TMEM131L: variants seen among roughly 807,000 people sequenced by gnomAD.
The protein encoded by TMEM131L is transmembrane protein 131-like.
In TMEM131L, 54 loss-of-function variants were observed where a neutral mutation model predicts 192.2. That is an observed-to-expected ratio of 0.28 (90% CI 0.23 to 0.35). TMEM131L has a LOEUF of 0.35. Ranked by LOEUF, TMEM131L falls within the 10% of genes least tolerant of loss-of-function variation. The probability of loss-of-function intolerance (pLI) is 1.00; values close to 1 mark genes in which losing one functional copy is unlikely to be tolerated. For synonymous variants in TMEM131L, 701 were observed against 704.9 expected (o/e 0.99, Z 0.09); for missense variants, 1,888 against 1,972.9 (o/e 0.96, Z 0.82).
rs191631819 is a variant in TMEM131L at position 153,548,555 on chromosome 4, A to G, written c.240-1518A>G. Among the ~76,000 whole-genome samples the G allele has an allele frequency of 5.3e-3, 812 of 152,296 alleles. 7 individuals carry two copies. Among genetic ancestry groups the G allele is most frequent in the African/African-American group, 0.018 (764 of 41,562 alleles). On this transcript the variant is annotated intron_variant, in intron 3 of 34. Transcript: ENST00000409959. ...CCTGACCTTGTGATCTGTCCGCCTC[A>G]GCCTCCCAAAGTGCTGGGATTACAG...
Position 153,636,536 on chromosome 4 carries a change from TC to T in TMEM131L, c.4796del (p.Pro1599HisfsTer23). ...WTTTANRNAN[F>X]PLSRDSSYCG... ...ACCACAGCGAATAGGAATGCAAATT[TC>T]CCACTGTCTAGAGACTCGAGTTACT... On this transcript the variant is annotated frameshift_variant, in exon 35 of 35. Transcript: ENST00000409959. LOFTEE classifies it high-confidence loss of function. 6.2e-7 allele frequency: 1 copy of T among 1,614,188 alleles called. No individual in the cohort carries two copies. The highest frequency in any genetic ancestry group is 2.2e-5 in the East Asian group (1 of 44,888).
Position 153,588,931 on chromosome 4 carries a change from A to G in TMEM131L, c.1594A>G (p.Thr532Ala), listed in dbSNP as rs757255506. 6.2e-7 allele frequency: 1 copy of G among 1,607,122 alleles called. No homozygotes were observed. The highest frequency in any genetic ancestry group is 8.5e-7 in the Non-Finnish European group (1 of 1,173,636). ...WNGSLSLDQS[T>A]WNVDSELANK... is the part of the protein sequence containing the mutation. ...TGGGAGCCTTTCTCTGGATCAATCT[A>G]CCTGGAATGTGGATTCTGAACTTGC... Residue 532 changes from threonine to alanine, a missense_variant, in exon 16 of 35, where the codon ACC becomes GCC. Coordinates refer to ENST00000409959, the MANE Select transcript of TMEM131L (RefSeq NM_001131007.2).
chr4:153,583,448 T>C, intron 10 of TMEM131L, 116 bp from the exon 11 acceptor site: 1 of 811,826 alleles, frequency 1.2e-6, no homozygotes, highest in Non-Finnish European at 2.1e-6. Context: ...ATGGCACAGA[T>C]GCTGAGCAGT....
intron 21 of TMEM131L, among the ~76,000 whole-genome samples, chr4:153,601,075 A>G (rs1427392149): frequency 6.7e-6 from 1 of 149,326 alleles, no homozygotes; most frequent in Non-Finnish European, 1.5e-5. Context: ...GTATCACTGC[A>G]CTCCAGCCTG....
At position 153,557,061 on chromosome 4, in the gene TMEM131L, G is replaced by T. The variant is rs145797262; in HGVS notation, c.528G>T (p.Ser176=). ...IESSLFINTS[S]YGVLSYHVSG... is the part of the protein sequence containing the mutation. ...GTTCCTTATTTATTAATACCTCTTC[G>T]TATGGAGTCCTTTCCTATCATGTGA... The change falls in exon 6 of 35, where the codon TCG becomes TCT. Residue 176 remains serine, a synonymous_variant. Transcript: ENST00000409959. The T allele has an allele frequency of 3.3e-6, 5 of 1,521,816 alleles. No individual in the cohort carries two copies. In the Admixed American group the frequency reaches 6.7e-5, roughly 21 times the overall value. The allele number at this position is 1,521,816 out of a possible 1,614,324, so 94.3% of individuals were successfully genotyped here.
intron 34 of TMEM131L, 103 bp from the exon 35 acceptor site, chr4:153,636,197 TC>T (rs1195084971): frequency 8.5e-7 from 1 of 1,178,042 alleles, no homozygotes; most frequent in Non-Finnish European, 1.2e-6. Context: ...TCTAATAACT[TC>T]CAAGTAACTT....
chr4:153,506,843 CA>C (rs369133768), intron 3 of TMEM131L, among the ~76,000 whole-genome samples: 2,332 of 88,180 alleles, frequency 0.026, 48 homozygotes, highest in African/African-American at 0.069. Flanking sequence ...ACTCTGTATC[CA>C]AAAAAAAAAA....
rs1222400758 is a variant in TMEM131L at position 153,473,862 on chromosome 4, T to C, written c.213T>C (p.Gly71=). The part of the protein sequence containing the change: ...LLPTQGDSEE[G]LEEPSQEQSF... ...TTCAATAGGGTGATTCTGAAGAGGG[T>C]CTGGAGGAGCCTTCTCAAGAACAGA... The change falls in exon 3 of 35, where the codon GGT becomes GGC. Residue 71 remains glycine (G), a synonymous_variant. Coordinates refer to ENST00000409959, the MANE Select transcript of TMEM131L (RefSeq NM_001131007.2). 2 of 1,545,736 alleles carry C rather than the reference T, an allele frequency of 1.3e-6. No homozygotes were observed. The highest frequency in any genetic ancestry group is 1.7e-6 in the Non-Finnish European group (2 of 1,144,672).
chr4:153,616,575 T>C (rs1256545645), intron 26 of TMEM131L, among the ~76,000 whole-genome samples: 2 of 152,208 alleles, frequency 1.3e-5, no homozygotes, highest in African/African-American at 2.4e-5. Context: ...AGCTTTGGCT[T>C]TTTATTTTCT....
At chr4:153,572,632 A>G (rs1729666951) in intron 7 of TMEM131L, among the ~76,000 whole-genome samples, 1 of 152,138 alleles carries the variant, frequency 6.6e-6, no homozygotes, top group Non-Finnish European at 1.5e-5. Context: ...CACCCGGCCC[A>G]GTTTGGTTAT....
At position 153,473,832 on chromosome 4, in the gene TMEM131L, T is replaced by G; in HGVS notation, c.196-13T>G. On this transcript the variant is annotated splice_polypyrimidine_tract_variant and intron_variant, in intron 2 of 34. Transcript: ENST00000409959. ...AACAGAAACAACGGTTAACACATGTTCTTTTTCAATAGGGTGATTCTGAAG... is the reference window on the plus strand; with the variant it reads ...AACAGAAACAACGGTTAACACATGTGCTTTTTCAATAGGGTGATTCTGAAG... 6.5e-7 allele frequency: 1 copy of G among 1,540,662 alleles called. No homozygotes were observed. Among genetic ancestry groups the G allele is most frequent in the Non-Finnish European group, 8.8e-7 (1 of 1,142,090 alleles).
At chr4:153,473,515 C>T (rs1226071901) in intron 2 of TMEM131L, among the ~76,000 whole-genome samples, 1 of 152,086 alleles carries the variant, frequency 6.6e-6, no homozygotes, top group Non-Finnish European at 1.5e-5. Flanking sequence ...CAGGGGTGGC[C>T]GGGCACAGTG....
At chr4:153,491,728 A>T (rs1019282678) in intron 3 of TMEM131L, among the ~76,000 whole-genome samples, 4 of 151,792 alleles carry the variant, frequency 2.6e-5, no homozygotes, top group Non-Finnish European at 4.4e-5. Context: ...TGTTTTTGAG[A>T]CAGTGTCTGG....
intron 3 of TMEM131L, among the ~76,000 whole-genome samples, chr4:153,482,088 C>T (rs1293140559): frequency 6.6e-6 from 1 of 152,190 alleles, no homozygotes; most frequent in Admixed American, 6.5e-5. Flanking sequence ...TCGTCATCTG[C>T]CTGCCTCGGC....
intron 3 of TMEM131L, among the ~76,000 whole-genome samples, chr4:153,521,746 A>G (rs1735127996): frequency 1.3e-5 from 2 of 150,438 alleles, no homozygotes; most frequent in African/African-American, 4.9e-5. Context: ...GGATTTGACT[A>G]CTCTGCGTGC....
chr4:153,574,888 G>A (rs1415021262), intron 7 of TMEM131L, among the ~76,000 whole-genome samples: 1 of 152,104 alleles, frequency 6.6e-6, no homozygotes, highest in African/African-American at 2.4e-5. Context: ...GCGCCCGGCC[G>A]AGATTTACTT....
chr4:153,557,078 A>G lies in TMEM131L; in HGVS notation c.545A>G (p.Tyr182Cys), dbSNP rs143048923. The change falls in exon 6 of 35, where the codon TAT becomes TGT. Residue 182 changes from tyrosine (Y) to cysteine (C), a missense_variant. Coordinates refer to ENST00000409959, the MANE Select transcript of TMEM131L (RefSeq NM_001131007.2). ...INTSSYGVLS[Y>C]HVSGIGTRRI... The stretch of plus-strand genomic sequence containing the variant: ...ACCTCTTCGTATGGAGTCCTTTCCT[A>G]TCATGTGAGTAACTTTTTCCTTTTG... 33 of 1,366,366 alleles carry G rather than the reference A, an allele frequency of 2.4e-5. No homozygotes were observed. The highest frequency in any genetic ancestry group is 3.3e-5 in the Non-Finnish European group (32 of 958,640). The allele number at this position is 1,366,366 out of a possible 1,614,324, so 84.6% of individuals were successfully genotyped here.
At chr4:153,621,959 A>G (rs993650118) in intron 28 of TMEM131L, 110 bp downstream of exon 28, 4 of 1,042,020 alleles carry the variant, frequency 3.8e-6, no homozygotes, top group Admixed American at 2.6e-5. Flanking sequence ...TCTACAGGCA[A>G]CTTAGCTAAT....
chr4:153,528,450 A>G (rs1429442230), intron 3 of TMEM131L, among the ~76,000 whole-genome samples: 1 of 152,224 alleles, frequency 6.6e-6, no homozygotes, highest in African/African-American at 2.4e-5. Flanking sequence ...ATGCAGATAA[A>G]CCATTCCCCT....
Sources: allele counts gnomAD v4.1 joint callset (sites outside exome capture counted in the v4.1 genomes callset), GRCh38; gene constraint gnomAD v4.1.1; transcripts MANE v1.5; gene names NCBI Gene and HGNC (gene_info 2026-07-23, HGNC 2026-07-21).